NHS: variants seen among roughly 807,000 people sequenced by gnomAD.
The protein encoded by NHS is NHS actin remodeling regulator, also known as actin remodeling regulator NHS.
A neutral mutation model predicts 72.5 loss-of-function variants in NHS; 5 were observed. The ratio of observed to expected loss-of-function variants is 0.07; its 90% CI spans 0.04 to 0.14. The LOEUF (loss-of-function observed/expected upper bound fraction) is 0.14, where lower values mean the gene tolerates loss of function less well. Among genes scored for constraint, NHS ranks in the 10% least tolerant of loss-of-function variants. The probability of loss-of-function intolerance (pLI) is 1.00; values close to 1 mark genes in which losing one functional copy is unlikely to be tolerated. For missense variants in NHS, 1,072 were observed against 1,355.7 expected (o/e 0.79, Z 3.29); for synonymous variants, 464 against 547.7 (o/e 0.85, Z 2.13).
At chrX:17,592,389 C>T (rs759672836) in intron 1 of NHS, among the ~76,000 whole-genome samples, 99 of 111,805 alleles carry the variant, frequency 8.9e-4, no homozygotes, top group African/African-American at 3.1e-3. Flanking sequence ...GAAACTTACC[C>T]CCTGGGTATT....
intron 1 of NHS, among the ~76,000 whole-genome samples, chrX:17,606,645 A>G (rs1213345565): frequency 8.9e-6 from 1 of 112,422 alleles, no homozygotes; most frequent in African/African-American, 3.2e-5. Flanking sequence ...TATTTCCTAC[A>G]GATGGGGTGG....
chrX:17,644,744 T>G (rs773100901), intron 1 of NHS, among the ~76,000 whole-genome samples: 5 of 111,191 alleles, frequency 4.5e-5, no homozygotes, highest in Non-Finnish European at 9.4e-5. Context: ...TCTTATAAAA[T>G]TAGCACTATT....
At chrX:17,388,011 G>A (rs2064419123) in intron 1 of NHS, among the ~76,000 whole-genome samples, 1 of 112,775 alleles carries the variant, frequency 8.9e-6, no homozygotes, top group African/African-American at 3.2e-5. Context: ...TGCTGGGTCA[G>A]GGTAAAGTAT....
intron 1 of NHS, among the ~76,000 whole-genome samples, chrX:17,404,667 T>G (rs1445239755): frequency 9.0e-6 from 1 of 110,907 alleles, no homozygotes; most frequent in African/African-American, 3.3e-5. Context: ...GTTCTAAGAT[T>G]CTTCTGTTTC....
intron 1 of NHS, among the ~76,000 whole-genome samples, chrX:17,454,744 A>C (rs935922660): frequency 8.9e-6 from 1 of 111,889 alleles, no homozygotes; most frequent in African/African-American, 3.3e-5. Context: ...TTGAAGAAGA[A>C]CAAAATTTTA....
chrX:17,415,035 G>A (rs1052072151), intron 1 of NHS, among the ~76,000 whole-genome samples: 1 of 111,099 alleles, frequency 9.0e-6, no homozygotes, highest in Non-Finnish European at 1.9e-5. Flanking sequence ...GCCCTGCCCC[G>A]GGAGGTTGTG....
rs1432456994 is a variant in NHS, at chrX:17,502,725, C to G, written c.565+126403C>G. On this transcript the variant is annotated intron_variant, in intron 1 of 8. Coordinates refer to ENST00000676302, the MANE Select transcript of NHS (RefSeq NM_001291867.2). The stretch of plus-strand genomic sequence containing the variant: ...AATGGCGTGAACCCGGGAGGCGGAG[C>G]TTGCAGTGAGCCGAGATCGCGCCAC... Among the ~76,000 whole-genome samples the G allele has an allele frequency of 3.5e-3, 56 of 16,061 alleles. 18 individuals are homozygous for G. Among genetic ancestry groups the G allele is most frequent in the Non-Finnish European group, 7.7e-3 (46 of 5,995 alleles). 13.9% of individuals were successfully genotyped at this position (16,061 alleles called of 115,157 possible). A position where few individuals can be genotyped will look rare whatever the true frequency, so the allele number is the denominator to read the frequency against.
At chrX:17,730,348 G>C (rs2066478731) in intron 8 of NHS, among the ~76,000 whole-genome samples, 1 of 112,150 alleles carries the variant, frequency 8.9e-6, no homozygotes, top group South Asian at 3.7e-4. Context: ...TTGCACATGG[G>C]AATGCCTATA....
At chrX:17,423,307 A>G (rs1329090647) in intron 1 of NHS, among the ~76,000 whole-genome samples, 1 of 112,220 alleles carries the variant, frequency 8.9e-6, no homozygotes, top group Non-Finnish European at 1.9e-5. Flanking sequence ...GTCTTCATCA[A>G]TGGTTTAAAA....
At chrX:17,536,669 G>C (rs752211799) in intron 1 of NHS, among the ~76,000 whole-genome samples, 6 of 112,497 alleles carry the variant, frequency 5.3e-5, no homozygotes, top group African/African-American at 1.3e-4. Flanking sequence ...CCAATAAATT[G>C]CTTCTTTTTC....
chrX:17,533,633 CTT>C lies in NHS; in HGVS notation c.566-154107_566-154106del, dbSNP rs200000511. 7.6e-3 allele frequency among the ~76,000 whole-genome samples: 831 copies of C among 109,734 alleles called. 5 individuals are homozygous for C. The highest frequency in any genetic ancestry group is 0.028 in the African/African-American group (797 of 28,734). On this transcript the variant is annotated intron_variant, in intron 1 of 8. Coordinates refer to ENST00000676302, the MANE Select transcript of NHS (RefSeq NM_001291867.2). ...TTTTAAAGCAATCAGGGAATAATCACTTTCAAGTACTGAGCACAAAGTGATGA... is the reference window on the plus strand; with the variant it reads ...TTTTAAAGCAATCAGGGAATAATCACTCAAGTACTGAGCACAAAGTGATGA...
At chrX:17,595,617 G>A (rs1328661458) in intron 1 of NHS, among the ~76,000 whole-genome samples, 1 of 112,097 alleles carries the variant, frequency 8.9e-6, no homozygotes, top group Non-Finnish European at 1.9e-5. Flanking sequence ...TGAGTGCTAA[G>A]GGAGTGAAAA....
At chrX:17,440,258 T>TA (rs1036618487) in intron 1 of NHS, among the ~76,000 whole-genome samples, 1,064 of 37,165 alleles carry the variant, frequency 0.029, 90 homozygotes, top group African/African-American at 0.097. Flanking sequence ...GACTCAGTCT[T>TA]AAAAAAAAAA....
intron 1 of NHS, among the ~76,000 whole-genome samples, chrX:17,453,277 A>AC (rs1170175929): frequency 9.0e-6 from 1 of 110,933 alleles, no homozygotes; most frequent in Non-Finnish European, 1.9e-5. Context: ...TGAAATCCAC[A>AC]CCCCCCACCC....
chrX:17,569,744 G>A (rs1490403106), intron 1 of NHS, among the ~76,000 whole-genome samples: 27 of 111,587 alleles, frequency 2.4e-4, no homozygotes, highest in African/African-American at 7.5e-4. Flanking sequence ...GTCCTTGCCC[G>A]TGCCTATGTC....
intron 1 of NHS, among the ~76,000 whole-genome samples, chrX:17,629,721 A>T (rs751055480): frequency 8.9e-6 from 1 of 112,147 alleles, no homozygotes; most frequent in East Asian, 2.8e-4. Context: ...ATGGGCTGCA[A>T]GCAAGCTTGG....
chrX:17,430,312 T>C (rs866186609), intron 1 of NHS, among the ~76,000 whole-genome samples: 11 of 77,946 alleles, frequency 1.4e-4, no homozygotes, highest in African/African-American at 4.6e-4. Context: ...TCTTTCTTTC[T>C]TTCCTTTCTT....
At chrX:17,682,369 G>C (rs2066135336) in intron 1 of NHS, among the ~76,000 whole-genome samples, 1 of 111,391 alleles carries the variant, frequency 9.0e-6, no homozygotes, top group Non-Finnish European at 1.9e-5. Flanking sequence ...TTAATTGATT[G>C]ATATGCCAAC....
At chrX:17,625,615 C>A (rs1345190020) in intron 1 of NHS, among the ~76,000 whole-genome samples, 1 of 112,035 alleles carries the variant, frequency 8.9e-6, no homozygotes, top group Non-Finnish European at 1.9e-5. Context: ...TGCTTTTGTT[C>A]ATTTTAAGCC....
Sources: allele counts gnomAD v4.1 joint callset (sites outside exome capture counted in the v4.1 genomes callset), GRCh38; gene constraint gnomAD v4.1.1; transcripts MANE v1.5; gene names NCBI Gene and HGNC (gene_info 2026-07-23, HGNC 2026-07-21).